MAST2: variants seen among roughly 807,000 people sequenced by gnomAD.
The protein encoded by MAST2 is microtubule associated serine/threonine kinase 2.
Under a neutral mutation model 147.4 loss-of-function variants are expected in MAST2, and 70 were observed. The observed-to-expected ratio is 0.47, with a 90% CI of 0.39 to 0.58. The LOEUF (loss-of-function observed/expected upper bound fraction) is 0.58. MAST2 is among the 20% of genes least tolerant of loss of function. MAST2 has a pLI of 0.00. For synonymous variants in MAST2, 869 were observed against 896.8 expected, an observed-to-expected ratio of 0.97 and a Z score of 0.55; for missense variants, 2,080 against 2,302.3, an observed-to-expected ratio of 0.90 and a Z score of 1.98.
At chr1:45,997,529 C>G (rs768034024) in intron 5 of MAST2, among the ~76,000 whole-genome samples, 195 bp from the exon 6 acceptor site, 2 of 152,108 alleles carry the variant, frequency 1.3e-5, no homozygotes, top group Non-Finnish European at 2.9e-5. Flanking sequence ...TGGGTTGTTA[C>G]AGCAAACTTG....
chr1:46,031,600 G>T lies in MAST2; in HGVS notation c.3187+15G>T, dbSNP rs561122311. 6.6e-5 allele frequency: 106 copies of T among 1,603,706 alleles called. 1 individual carries two copies. In the African/African-American group the frequency reaches 1.4e-3, roughly 21 times the overall value. On this transcript the variant is annotated intron_variant, in intron 24 of 28. Transcript: ENST00000361297. The surrounding 1 kb of genome is among the most constrained non-coding windows in gnomAD (Gnocchi z 4.1). ...CATTCCTTCGGGTGAGGCCCCTGGG[G>T]AGCTGGGATAAAACTCACAGGAAGG...
Position 46,032,629 on chromosome 1 carries a change from G to A in MAST2, c.3448G>A (p.Gly1150Arg), listed in dbSNP as rs1646718999. The change falls in exon 26 of 29, where the codon GGG becomes AGG. Residue 1150 changes from glycine (G) to arginine (R), a missense_variant. By Grantham distance (125) the Gly-to-Arg change is moderately radical. Transcript: ENST00000361297. ...VEDGGPASEA[G>R]LRQGDLITHV... ...GGATGGAGGTCCGGCCAGTGAGGCAGGGCTTCGTCAAGGTGACCTCATCAC... is the reference window on the plus strand; with the variant it reads ...GGATGGAGGTCCGGCCAGTGAGGCAAGGCTTCGTCAAGGTGACCTCATCAC... 6.2e-7 allele frequency: 1 copy of A among 1,614,218 alleles called. No homozygotes were observed. The highest frequency in any genetic ancestry group is 1.3e-5 in the African/African-American group (1 of 75,074).
At chr1:46,030,423 T>C in intron 21 of MAST2, 184 bp from the exon 22 acceptor site, 1 of 835,334 alleles carries the variant, frequency 1.2e-6, no homozygotes, top group Non-Finnish European at 1.8e-6. Context: ...CTGCTGTCCC[T>C]GACATGAGAT....
At chr1:45,820,373 C>G (rs1374235915) in intron 1 of MAST2, among the ~76,000 whole-genome samples, 1 of 152,050 alleles carries the variant, frequency 6.6e-6, no homozygotes, top group African/African-American at 2.4e-5. Context: ...TTTCTCACTT[C>G]CTTTTGTGTG....
At chr1:45,997,969 G>A (rs569848888) in intron 6 of MAST2, among the ~76,000 whole-genome samples, 170 bp downstream of exon 6, 2 of 152,212 alleles carry the variant, frequency 1.3e-5, no homozygotes, top group East Asian at 3.9e-4. Flanking sequence ...TGTAATGATC[G>A]TGTTCTGGTT....
chr1:45,906,613 A>G lies in MAST2; in HGVS notation c.500+24218A>G, dbSNP rs991314511. On this transcript the variant is annotated intron_variant, in intron 4 of 28. Transcript: ENST00000361297. ...ATGTTGTATATATTATTGTTATTAT[A>G]TAATTATATTATATGTTATTTTATA... is the stretch of plus-strand genomic sequence containing the variant. 8.8e-5 allele frequency among the ~76,000 whole-genome samples: 13 copies of G among 148,192 alleles called. No individual in the cohort carries two copies. The East Asian group carries it at 2.5e-3, about 29-fold the overall frequency.
At chr1:45,930,046 ATG>A (rs1419495359) in intron 4 of MAST2, among the ~76,000 whole-genome samples, 1 of 152,162 alleles carries the variant, frequency 6.6e-6, no homozygotes, top group African/African-American at 2.4e-5. Context: ...TGGTATCTCA[ATG>A]TAGCCAAGTA....
intron 1 of MAST2, among the ~76,000 whole-genome samples, chr1:45,819,273 T>G (rs528944486): frequency 6.8e-6 from 1 of 147,770 alleles, no homozygotes; most frequent in Non-Finnish European, 1.5e-5. Flanking sequence ...AAAAAAAGAA[T>G]GTATTCCAAT....
At chr1:45,852,749 A>G (rs1235965782) in intron 3 of MAST2, among the ~76,000 whole-genome samples, 2 of 151,926 alleles carry the variant, frequency 1.3e-5, no homozygotes, top group African/African-American at 4.8e-5. Flanking sequence ...AATGTTTTTG[A>G]GATCCGTCTA....
rs1161814104 is a variant in MAST2, at chr1:45,970,231, A to C, written c.592+10754A>C. On this transcript the variant is annotated intron_variant, in intron 5 of 28. Coordinates refer to ENST00000361297, the MANE Select transcript of MAST2 (RefSeq NM_015112.3). ...GCTCCTTTGGATAAAACTTACAAAA[A>C]TTTGGGAGCCCCCCCATGACTAGAT... Among the ~76,000 whole-genome samples, 4 of 152,284 alleles carry C rather than the reference A, an allele frequency of 2.6e-5. No homozygotes were observed. The East Asian group carries it at 7.7e-4, about 29-fold the overall frequency.
chr1:45,838,818 A>G (rs746150521), intron 3 of MAST2, among the ~76,000 whole-genome samples: 1 of 152,222 alleles, frequency 6.6e-6, no homozygotes, highest in Non-Finnish European at 1.5e-5. Flanking sequence ...GACTGTTTGC[A>G]ATAGTTTAAA....
chr1:45,916,351 G>T (rs1015093454), intron 4 of MAST2, among the ~76,000 whole-genome samples: 1 of 152,118 alleles, frequency 6.6e-6, no homozygotes, highest in Non-Finnish European at 1.5e-5. Flanking sequence ...TGCCAATAAG[G>T]TAGCAAATTA....
chr1:45,975,047 T>C (rs977882637), intron 5 of MAST2, among the ~76,000 whole-genome samples: 1 of 152,100 alleles, frequency 6.6e-6, no homozygotes, highest in Non-Finnish European at 1.5e-5. Context: ...GAAGATGAAA[T>C]GAGCCAGCAG....
chr1:45,803,626 G>A lies in MAST2; in HGVS notation c.-270G>A, dbSNP rs1247470827. 6 of 231,984 alleles carry A rather than the reference G, an allele frequency of 2.6e-5. No individual in the cohort carries two copies. Among genetic ancestry groups the A allele is most frequent in the Non-Finnish European group, 5.0e-5 (6 of 121,124 alleles). The allele number at this position is 231,984 out of a possible 1,614,324, so 14.4% of individuals were successfully genotyped here. On this transcript the variant is annotated 5_prime_UTR_variant, in exon 1 of 29. Coordinates refer to ENST00000361297, the MANE Select transcript of MAST2 (RefSeq NM_015112.3). Reference sequence around the variant, plus strand: ...GAAGGCTGGCTGTAGGCAGGCGGCTGAGCCGGCGGCGGGTGGCCTGCCCAA... The same window carrying A: ...GAAGGCTGGCTGTAGGCAGGCGGCTAAGCCGGCGGCGGGTGGCCTGCCCAA...
At chr1:46,014,179 TTTA>T (rs1470871370) in intron 10 of MAST2, among the ~76,000 whole-genome samples, 2 of 152,108 alleles carry the variant, frequency 1.3e-5, no homozygotes, top group Non-Finnish European at 2.9e-5. Flanking sequence ...TTTTCTTTTT[TTTA>T]TTATTATTAT....
chr1:45,895,735 ACAGCATAT>A, intron 4 of MAST2, among the ~76,000 whole-genome samples: 1 of 152,238 alleles, frequency 6.6e-6, no homozygotes, highest in Non-Finnish European at 1.5e-5. Flanking sequence ...TGAAAGAAAA[ACAGCATAT>A]CATCAAAGAG....
chr1:45,867,913 T>G (rs906309734), intron 3 of MAST2, among the ~76,000 whole-genome samples: 1 of 152,232 alleles, frequency 6.6e-6, no homozygotes, highest in African/African-American at 2.4e-5. Context: ...GTGTATTTGC[T>G]CAGCTTCATT....
intron 4 of MAST2, among the ~76,000 whole-genome samples, chr1:45,939,136 C>A (rs1274381818): frequency 6.6e-6 from 1 of 150,906 alleles, no homozygotes; most frequent in Non-Finnish European, 1.5e-5. Flanking sequence ...CCATTTTCTT[C>A]CAGAAGTTTT....
At chr1:45,951,223 A>G (rs1260360412) in intron 4 of MAST2, among the ~76,000 whole-genome samples, 2 of 152,170 alleles carry the variant, frequency 1.3e-5, no homozygotes, top group Non-Finnish European at 2.9e-5. Flanking sequence ...CCTGTCTCAA[A>G]AAGAAAAACA....
Sources: gnomAD v4.1 joint callset for allele counts (sites outside exome capture counted in the v4.1 genomes callset) on GRCh38, gnomAD v4.1.1 for gene constraint, Gnocchi (gnomAD v3.1) non-coding constraint, MANE v1.5 for transcripts, NCBI Gene and HGNC (gene_info 2026-07-23, HGNC 2026-07-21) for gene names.